Variants in DOCK4 observed in about 807,000 individuals in gnomAD.
DOCK4 encodes dedicator of cytokinesis 4, also known as dedicator of cytokinesis protein 4.
Under a neutral mutation model 268.1 loss-of-function variants are expected in DOCK4, and 97 were observed. The observed-to-expected ratio is 0.36, with a 90% CI of 0.31 to 0.43. The LOEUF is 0.43. Ranked by LOEUF, DOCK4 falls within the 20% of genes least tolerant of loss-of-function variation. DOCK4 has a pLI of 1.00. For synonymous variants in DOCK4, 954 were observed against 887.2 expected (o/e 1.08, Z -1.34); for missense variants, 2,145 against 2,455.7 (o/e 0.87, Z 2.67).
intron 43 of DOCK4, among the ~76,000 whole-genome samples, 175 bp downstream of exon 43, chr7:111,747,092 G>A (rs1389356866): frequency 6.6e-6 from 1 of 152,082 alleles, no homozygotes; most frequent in Non-Finnish European, 1.5e-5. Flanking sequence ...GGAAAATGGA[G>A]TTACTGGGCA....
intron 1 of DOCK4, among the ~76,000 whole-genome samples, chr7:112,107,890 C>T (rs1320301049): frequency 1.3e-5 from 2 of 152,218 alleles, no homozygotes; most frequent in African/African-American, 2.4e-5. Context: ...AGTAAAGCCA[C>T]AAGCCAAGGG....
chr7:111,757,628 T>G (rs1231907321), intron 41 of DOCK4, among the ~76,000 whole-genome samples: 1 of 152,164 alleles, frequency 6.6e-6, no homozygotes, highest in African/African-American at 2.4e-5. Context: ...AAGGGACTGC[T>G]CTTTATTCAA....
intron 1 of DOCK4, among the ~76,000 whole-genome samples, chr7:112,031,065 C>T (rs1211666208): frequency 6.6e-6 from 1 of 152,174 alleles, no homozygotes. Context: ...GGAAAAACAG[C>T]AGGAAGATTA....
chr7:111,863,540 C>T lies in DOCK4; in HGVS notation c.2305G>A (p.Ala769Thr), dbSNP rs532782563. The change falls in exon 23 of 53, where the codon GCC becomes ACC. Residue 769 changes from alanine to threonine, a missense_variant. Around this residue, in one of 2 missense-constraint regions of DOCK4, gnomAD observed 1,598 missense variants for 1,986.7 expected, o/e 0.80. Coordinates refer to ENST00000428084, the MANE Select transcript of DOCK4 (RefSeq NM_001363540.2). The part of the protein sequence containing the change: ...SQAVFLSSFP[A>T]VYSELLKLFD... ...AGCTTCAACAGTTCTGAGTACACGG[C>T]AGGGAAAGAGCTCAGAAACACAGCC... The T allele has an allele frequency of 1.2e-5, 19 of 1,608,390 alleles. No individual in the cohort carries two copies. Among genetic ancestry groups the T allele is most frequent in the Non-Finnish European group, 1.5e-5 (18 of 1,176,146 alleles).
chr7:111,792,379 TG>T (rs1799608924), intron 30 of DOCK4, among the ~76,000 whole-genome samples: 1 of 152,046 alleles, frequency 6.6e-6, no homozygotes, highest in African/African-American at 2.4e-5. Flanking sequence ...AGAGGGTTTT[TG>T]TTGTTGTTGT....
chr7:111,949,673 T>C (rs746617858), intron 8 of DOCK4, among the ~76,000 whole-genome samples: 2 of 151,760 alleles, frequency 1.3e-5, no homozygotes, highest in African/African-American at 2.4e-5. Context: ...CTATGGCCAA[T>C]AAAAAAAATT....
chr7:111,867,317 T>C (rs1806054707), intron 22 of DOCK4, among the ~76,000 whole-genome samples: 2 of 152,220 alleles, frequency 1.3e-5, no homozygotes, highest in South Asian at 4.1e-4. Context: ...CTTCTCCTTC[T>C]GACAGGTTTT....
intron 1 of DOCK4, among the ~76,000 whole-genome samples, chr7:112,065,666 C>A (rs1473615593): frequency 6.6e-6 from 1 of 151,376 alleles, no homozygotes; most frequent in Non-Finnish European, 1.5e-5. Flanking sequence ...AGCAGTTTAA[C>A]AAGTCCCCCA....
intron 8 of DOCK4, among the ~76,000 whole-genome samples, chr7:111,976,153 A>ATATATATATAT (rs1554400588): frequency 1.3e-5 from 1 of 75,360 alleles, no homozygotes; most frequent in African/African-American, 8.8e-5. Flanking sequence ...AAAAAAAAAA[A>ATATATATATAT]AAAAAAAAAT....
chr7:112,095,410 G>A (rs889942345), intron 1 of DOCK4, among the ~76,000 whole-genome samples: 21 of 150,796 alleles, frequency 1.4e-4, no homozygotes, highest in South Asian at 4.2e-4. Context: ...GACACAAAAA[G>A]GAGTCAAACC....
chr7:111,888,672 C>T (rs1321169732), intron 16 of DOCK4, among the ~76,000 whole-genome samples: 1 of 152,078 alleles, frequency 6.6e-6, no homozygotes, highest in Non-Finnish European at 1.5e-5. Context: ...AGACTCTGAA[C>T]TAGGAACTAG....
At chr7:111,796,569 T>C (rs753885457) in intron 30 of DOCK4, among the ~76,000 whole-genome samples, 1 of 152,246 alleles carries the variant, frequency 6.6e-6, no homozygotes, top group Non-Finnish European at 1.5e-5. Context: ...TTCTACGTTC[T>C]TCTAAGGCAC....
intron 39 of DOCK4, among the ~76,000 whole-genome samples, 175 bp downstream of exon 39, chr7:111,764,943 G>C (rs548239211): frequency 6.6e-6 from 1 of 150,496 alleles, no homozygotes; most frequent in Non-Finnish European, 1.5e-5. Context: ...TTGCTATCTC[G>C]GAAATTATTT....
At chr7:111,751,490 G>A (rs1796648521) in intron 42 of DOCK4, among the ~76,000 whole-genome samples, 1 of 152,050 alleles carries the variant, frequency 6.6e-6, no homozygotes, top group Admixed American at 6.5e-5. Context: ...TGTTGCCCAG[G>A]CTGGAGTGCA....
chr7:112,118,162 AT>A (rs1812355967), intron 1 of DOCK4, among the ~76,000 whole-genome samples: 1 of 151,026 alleles, frequency 6.6e-6, no homozygotes, highest in South Asian at 2.1e-4. Flanking sequence ...TGTCTCCTAT[AT>A]TTTTTTCTCC....
intron 12 of DOCK4, among the ~76,000 whole-genome samples, chr7:111,921,201 A>T (rs1451445054): frequency 1.3e-5 from 2 of 152,190 alleles, no homozygotes; most frequent in Non-Finnish European, 2.9e-5. Context: ...ATAAATACTT[A>T]ACATTTAATT....
Position 111,728,605 on chromosome 7 carries a change from C to T in DOCK4, c.5597G>A (p.Cys1866Tyr). The change falls in exon 53 of 53, where the codon TGC becomes TAC. Residue 1866 changes from cysteine to tyrosine, a missense_variant. Transcript: ENST00000428084. ...YSSGISSLSRCSTSETSGFEN... is the reference protein window; with the variant it reads ...YSSGISSLSRYSTSETSGFEN... Reference sequence around the variant, plus strand: ...AAAGCCTGAGGTTTCCGACGTGCTGCACCGGCTGAGAGAAGAAATCCCACT... The same window carrying T: ...AAAGCCTGAGGTTTCCGACGTGCTGTACCGGCTGAGAGAAGAAATCCCACT... 1 of 1,614,048 alleles carries T rather than the reference C, an allele frequency of 6.2e-7. No individual in the cohort carries two copies. Among genetic ancestry groups the T allele is most frequent in the African/African-American group, 1.3e-5 (1 of 75,062 alleles).
chr7:112,026,370 C>G (rs553469945), intron 1 of DOCK4, among the ~76,000 whole-genome samples: 1 of 152,188 alleles, frequency 6.6e-6, no homozygotes, highest in Admixed American at 6.5e-5. Context: ...GGCTGATGAT[C>G]TGAGGTGGAA....
chr7:112,081,179 G>A lies in DOCK4; in HGVS notation c.38-77048C>T, dbSNP rs138711898. 3.2e-3 allele frequency among the ~76,000 whole-genome samples: 486 copies of A among 152,164 alleles called. 4 individuals are homozygous for A. The highest frequency in any genetic ancestry group is 0.011 in the African/African-American group (436 of 41,518). On this transcript the variant is annotated intron_variant, in intron 1 of 52. Transcript: ENST00000428084. ...GAATCGAAACAGGAAGAAGGAACCCGCAGTCAGACAGGAATGCGAATCCTG... is the reference window on the plus strand; with the variant it reads ...GAATCGAAACAGGAAGAAGGAACCCACAGTCAGACAGGAATGCGAATCCTG...
Sources: allele counts gnomAD v4.1 joint callset (sites outside exome capture counted in the v4.1 genomes callset), GRCh38; gene constraint gnomAD v4.1.1; regional missense constraint gnomAD v4.1.1; transcripts MANE v1.5; gene names NCBI Gene and HGNC (gene_info 2026-07-23, HGNC 2026-07-21).